C3orf49: variants seen among roughly 807,000 people sequenced by gnomAD.
C3orf49 encodes the protein chromosome 3 open reading frame 49.
In C3orf49, 27 loss-of-function variants were observed where a neutral mutation model predicts 13.3. That is an observed-to-expected ratio of 2.02 (90% CI 1.49 to 2.79). The LOEUF (loss-of-function observed/expected upper bound fraction) is 2.79. Ranked by LOEUF, C3orf49 falls within the 30% of genes most tolerant of loss-of-function variation. The probability of loss-of-function intolerance (pLI) is 0.00; values close to 1 mark genes in which losing one functional copy is unlikely to be tolerated. For missense variants in C3orf49, 242 were observed against 134.2 expected (o/e 1.80, Z -3.97); for synonymous variants, 87 against 47.6 (o/e 1.83, Z -3.40).
At chr3:63,798,377 T>A in the C3orf49 span, among the ~76,000 whole-genome samples, 2 of 152,226 alleles carry the variant, frequency 1.3e-5, no homozygotes, top group Admixed American at 1.3e-4. Context: ...TTGAGGCAAA[T>A]TACTTCATTT....
rs1282665963 is a variant in C3orf49, at chr3:63,823,525, C to A, written c.401C>A (p.Ser134Tyr). The A allele has an allele frequency of 1.4e-6, 1 of 701,732 alleles. No homozygotes were observed. Among genetic ancestry groups the A allele is most frequent in the South Asian group, 1.5e-5 (1 of 67,330 alleles). 43.5% of individuals were successfully genotyped at this position (701,732 alleles called of 1,614,324 possible). The change falls in exon 2 of 7, where the codon TCT becomes TAT. Residue 134 changes from serine (S) to tyrosine (Y), a missense_variant. Transcript: ENST00000295896. ...LLPRIVKEFS[S>Y]PKLFTAKMRK... is the part of the protein sequence containing the mutation. ...CCTAGGATTGTCAAGGAGTTTTCAT[C>A]TCCCAAGTTATTTACAGCAAAAATG...
chr3:63,807,070 G>A, the C3orf49 span, among the ~76,000 whole-genome samples: 26 of 151,962 alleles, frequency 1.7e-4, 1 homozygote, highest in East Asian at 2.9e-3. Flanking sequence ...TCCTGCCTCA[G>A]CCACCCGAGT....
intron 1 of C3orf49, among the ~76,000 whole-genome samples, chr3:63,821,938 T>C (rs1238980227): frequency 6.6e-6 from 1 of 152,092 alleles, no homozygotes; most frequent in African/African-American, 2.4e-5. Context: ...TTGGGGAAAC[T>C]AGGTAAAGAG....
At chr3:63,812,809 A>T in the C3orf49 span, among the ~76,000 whole-genome samples, 3 of 152,240 alleles carry the variant, frequency 2.0e-5, no homozygotes, top group African/African-American at 7.2e-5. Flanking sequence ...AATGTAATTC[A>T]TATTCTTTTC....
At chr3:63,841,467 G>A (rs2107130813) in intron 5 of C3orf49, among the ~76,000 whole-genome samples, 1 of 152,284 alleles carries the variant, frequency 6.6e-6, no homozygotes, top group African/African-American at 2.4e-5. Context: ...TGAATCAACA[G>A]CAAAATCTTT....
chr3:63,785,574 A>T, the C3orf49 span, among the ~76,000 whole-genome samples: 25 of 152,210 alleles, frequency 1.6e-4, no homozygotes, highest in Admixed American at 1.3e-3. Flanking sequence ...AAAAATAAAA[A>T]TAATAACTTG....
At position 63,844,117 on chromosome 3, in the gene C3orf49, A is replaced by G. The variant is rs74966810; in HGVS notation, c.850-906A>G. Among the ~76,000 whole-genome samples, 37 of 152,342 alleles carry G rather than the reference A, an allele frequency of 2.4e-4. 1 individual carries two copies. The East Asian group carries it at 6.2e-3, about 25-fold the overall frequency. ...GCAGGCACAGAGAGATAAATAATGCATGATCACACTTACATATGGAATCTA... is the reference window on the plus strand; with the variant it reads ...GCAGGCACAGAGAGATAAATAATGCGTGATCACACTTACATATGGAATCTA... On this transcript the variant is annotated intron_variant, in intron 5 of 6. Coordinates refer to ENST00000295896, the MANE Select transcript of C3orf49 (RefSeq NM_001355236.2).
chr3:63,805,897 C>T, the C3orf49 span, among the ~76,000 whole-genome samples: 1,593 of 152,310 alleles, frequency 0.01, 25 homozygotes, highest in African/African-American at 0.036. Context: ...AAGAGACCCA[C>T]GGAGAACTGT....
At chr3:63,782,340 A>T in the C3orf49 span, 1 of 152,018 alleles carries the variant, frequency 6.6e-6, no homozygotes, top group Non-Finnish European at 1.5e-5. Flanking sequence ...CAAAAAAAAC[A>T]AACAAACATA....
the C3orf49 span, among the ~76,000 whole-genome samples, chr3:63,809,815 A>G: frequency 6.6e-6 from 1 of 152,126 alleles, no homozygotes; most frequent in African/African-American, 2.4e-5. Flanking sequence ...GGTCTCTGCT[A>G]TTAGGTTGGA....
chr3:63,832,107 T>G, intron 5 of C3orf49: 1 of 318,026 alleles, frequency 3.1e-6, no homozygotes. Flanking sequence ...GGCAGGAGAA[T>G]TGCTTGAACC....
At chr3:63,788,543 G>T in the C3orf49 span, among the ~76,000 whole-genome samples, 1 of 152,240 alleles carries the variant, frequency 6.6e-6, no homozygotes, top group East Asian at 1.9e-4. Flanking sequence ...GGGGACAGAA[G>T]GGGAGGACAA....
intron 1 of C3orf49, among the ~76,000 whole-genome samples, chr3:63,820,130 T>C (rs1701375325): frequency 6.6e-6 from 1 of 152,156 alleles, no homozygotes; most frequent in Non-Finnish European, 1.5e-5. Context: ...AAATATAATA[T>C]ATTTTAATTT....
At chr3:63,815,948 G>T (rs1450987731), upstream of C3orf49, among the ~76,000 whole-genome samples, 5 of 151,128 alleles carry the variant, frequency 3.3e-5, no homozygotes, top group Non-Finnish European at 7.4e-5. Flanking sequence ...ACCATGCCCA[G>T]CTAATTTTTC....
At chr3:63,824,119 G>A (rs1426616145) in intron 2 of C3orf49, among the ~76,000 whole-genome samples, 1 of 151,956 alleles carries the variant, frequency 6.6e-6, no homozygotes, top group Non-Finnish European at 1.5e-5. Context: ...CACTGAATTG[G>A]ATTGCCTTGG....
chr3:63,789,375 T>C, the C3orf49 span, among the ~76,000 whole-genome samples: 1 of 152,190 alleles, frequency 6.6e-6, no homozygotes, highest in Non-Finnish European at 1.5e-5. Flanking sequence ...AAACCTTGTA[T>C]AGGAGAGATA....
At chr3:63,844,377 G>C (rs1296101442) in intron 5 of C3orf49, among the ~76,000 whole-genome samples, 1 of 152,166 alleles carries the variant, frequency 6.6e-6, no homozygotes, top group African/African-American at 2.4e-5. Flanking sequence ...CCACAAAAAT[G>C]ATAACTCTGT....
chr3:63,841,346 G>C (rs115864223), intron 5 of C3orf49, among the ~76,000 whole-genome samples: 4 of 152,158 alleles, frequency 2.6e-5, no homozygotes, highest in African/African-American at 9.7e-5. Context: ...TAATTTTCCT[G>C]CATGTCTTTG....
upstream of C3orf49, among the ~76,000 whole-genome samples, chr3:63,816,187 T>A (rs1390022673): frequency 1.3e-5 from 2 of 151,942 alleles, no homozygotes; most frequent in African/African-American, 4.8e-5. Flanking sequence ...CCTGAAACAA[T>A]TTTCTATTGG....
Sources: allele counts gnomAD v4.1 joint callset (sites outside exome capture counted in the v4.1 genomes callset), GRCh38; gene constraint gnomAD v4.1.1; transcripts MANE v1.5; gene names NCBI Gene and HGNC (gene_info 2026-07-23, HGNC 2026-07-21).